The following TMPRSS15 variants were observed in gnomAD, a reference collection of about 807,000 sequenced individuals.
TMPRSS15 encodes the protein transmembrane serine protease 15.
In TMPRSS15, 128 loss-of-function variants were observed where a neutral mutation model predicts 125.3. The observed-to-expected ratio is 1.02, with a 90% CI of 0.89 to 1.18. The LOEUF is 1.18. Ranked by LOEUF, TMPRSS15 falls within the 50% of genes most tolerant of loss-of-function variation. The pLI is 0.00. For synonymous variants in TMPRSS15, 446 were observed against 423.2 expected (o/e 1.05, Z -0.66); for missense variants, 1,283 against 1,212.7 (o/e 1.06, Z -0.86).
chr21:18,479,784 T>C (rs568656236), intron 1 of TMPRSS15, among the ~76,000 whole-genome samples: 2 of 152,204 alleles, frequency 1.3e-5, no homozygotes, highest in African/African-American at 4.8e-5. Flanking sequence ...TTTTAAAATA[T>C]TGGTGGGATG....
At chr21:18,304,130 G>A (rs774259670) in intron 18 of TMPRSS15, among the ~76,000 whole-genome samples, 2 of 152,110 alleles carry the variant, frequency 1.3e-5, no homozygotes, top group Non-Finnish European at 2.9e-5. Context: ...CTATGCCAGG[G>A]TTCGTGGGGG....
intron 1 of TMPRSS15, among the ~76,000 whole-genome samples, chr21:18,413,108 T>A (rs998250023): frequency 3.9e-5 from 6 of 152,188 alleles, no homozygotes; most frequent in African/African-American, 1.4e-4. Flanking sequence ...GATGTGGTCA[T>A]GTGTAGGTTG....
intron 1 of TMPRSS15, among the ~76,000 whole-genome samples, chr21:18,458,943 GTTAT>G (rs879582668): frequency 6.6e-6 from 1 of 151,930 alleles, no homozygotes; most frequent in Non-Finnish European, 1.5e-5. Context: ...TTATTTTGTT[GTTAT>G]TTATTATTTG....
chr21:18,330,275 A>G (rs903388061), intron 14 of TMPRSS15, among the ~76,000 whole-genome samples: 1 of 152,082 alleles, frequency 6.6e-6, no homozygotes, highest in African/African-American at 2.4e-5. Flanking sequence ...ATAGTTTCTC[A>G]TCTCCTAATT....
At chr21:18,441,661 C>CATCATT (rs2076242056) in intron 1 of TMPRSS15, among the ~76,000 whole-genome samples, 1 of 134,730 alleles carries the variant, frequency 7.4e-6, no homozygotes, top group Non-Finnish European at 1.5e-5. Flanking sequence ...CTTTAGGACA[C>CATCATT]ATTATTATTA....
Position 18,332,093 on chromosome 21 carries a change from G to C in TMPRSS15, c.1645C>G (p.Leu549Val). 6.2e-7 allele frequency: 1 copy of C among 1,613,960 alleles called. No homozygotes were observed. The highest frequency in any genetic ancestry group is 8.5e-7 in the Non-Finnish European group (1 of 1,179,838). Residue 549 changes from leucine to valine, a missense_variant, in exon 14 of 25, where the codon CTG (leucine) becomes GTG (valine). Physicochemically the swap from Leu to Val is conservative, Grantham distance 32. Coordinates refer to ENST00000284885, the MANE Select transcript of TMPRSS15 (RefSeq NM_002772.3). ...STNFPNSYPN[L>V]AFCVWILNAQ... ...AAAAGAAATGACTCACAGAAAGCCAGATTAGGGTAGCTGTTTGGAAAGTTC... is the reference window on the plus strand; with the variant it reads ...AAAAGAAATGACTCACAGAAAGCCACATTAGGGTAGCTGTTTGGAAAGTTC...
chr21:18,478,504 G>A (rs938370828), intron 1 of TMPRSS15, among the ~76,000 whole-genome samples: 2 of 151,816 alleles, frequency 1.3e-5, no homozygotes, highest in Non-Finnish European at 2.9e-5. Context: ...TATATTCATC[G>A]AAACTAAGAT....
intron 17 of TMPRSS15, 145 bp downstream of exon 17, chr21:18,315,001 T>TA: frequency 2.8e-6 from 2 of 718,014 alleles, no homozygotes; most frequent in Non-Finnish European, 2.5e-6. Flanking sequence ...ACAGAGGTGC[T>TA]AAAATCATCT....
intron 3 of TMPRSS15, among the ~76,000 whole-genome samples, chr21:18,392,158 C>A (rs554473692): frequency 6.6e-6 from 1 of 152,156 alleles, no homozygotes; most frequent in Non-Finnish European, 1.5e-5. Flanking sequence ...ATTGTCTTGG[C>A]GAATAACATT....
intron 24 of TMPRSS15, among the ~76,000 whole-genome samples, chr21:18,270,741 G>T (rs1284163970): frequency 6.6e-6 from 1 of 151,990 alleles, no homozygotes; most frequent in East Asian, 1.9e-4. Flanking sequence ...TAATTTTTAT[G>T]AATATTAATC....
chr21:18,400,966 A>G (rs2076089454), intron 1 of TMPRSS15, among the ~76,000 whole-genome samples: 1 of 152,170 alleles, frequency 6.6e-6, no homozygotes, highest in East Asian at 1.9e-4. Context: ...TGGCTAACAA[A>G]TATTTTAAAA....
At chr21:18,474,244 C>T (rs1320388877) in intron 1 of TMPRSS15, among the ~76,000 whole-genome samples, 1 of 151,716 alleles carries the variant, frequency 6.6e-6, no homozygotes, top group Admixed American at 6.6e-5. Flanking sequence ...CAGAGAGATA[C>T]ATATAGGTAG....
At chr21:18,305,436 T>C (rs143390112) in intron 18 of TMPRSS15, among the ~76,000 whole-genome samples, 18,860 of 151,828 alleles carry the variant, frequency 0.12, 1,390 homozygotes, top group East Asian at 0.34. Context: ...GATCCGCCCT[T>C]CTCGGCCTCC....
chr21:18,457,143 A>G (rs1344105800), intron 1 of TMPRSS15, among the ~76,000 whole-genome samples: 1 of 152,092 alleles, frequency 6.6e-6, no homozygotes, highest in African/African-American at 2.4e-5. Context: ...AATTTGGTAG[A>G]TTGTTGAAAT....
chr21:18,425,454 G>A (rs2076200682), intron 1 of TMPRSS15, among the ~76,000 whole-genome samples: 1 of 152,038 alleles, frequency 6.6e-6, no homozygotes, highest in African/African-American at 2.4e-5. Context: ...GTGAAAAGAA[G>A]TTTCCCATTG....
chr21:18,307,494 G>A (rs2075050258), intron 18 of TMPRSS15, among the ~76,000 whole-genome samples: 2 of 152,114 alleles, frequency 1.3e-5, no homozygotes. Flanking sequence ...TCCTTGACAT[G>A]CCTTTATTGA....
intron 18 of TMPRSS15, among the ~76,000 whole-genome samples, chr21:18,310,047 T>C (rs1000531107): frequency 1.3e-5 from 2 of 152,072 alleles, no homozygotes; most frequent in African/African-American, 2.4e-5. Flanking sequence ...AAGTTAGGTA[T>C]AGAAGGAACG....
chr21:18,352,887 A>G lies in TMPRSS15; in HGVS notation c.1171+16T>C. On this transcript the variant is annotated intron_variant, in intron 10 of 24. Coordinates refer to ENST00000284885, the MANE Select transcript of TMPRSS15 (RefSeq NM_002772.3). Reference sequence around the variant, plus strand: ...GAATTAAAATCCTTTTGACTTCTGAATTAAATGAATTATACCTGAAGCATT... The same window carrying G: ...GAATTAAAATCCTTTTGACTTCTGAGTTAAATGAATTATACCTGAAGCATT... 1.9e-6 allele frequency: 3 copies of G among 1,611,210 alleles called. No individual in the cohort carries two copies. The highest frequency in any genetic ancestry group is 2.5e-6 in the Non-Finnish European group (3 of 1,177,956).
At chr21:18,295,189 A>C (rs1309650420) in intron 19 of TMPRSS15, among the ~76,000 whole-genome samples, 2 of 152,338 alleles carry the variant, frequency 1.3e-5, no homozygotes, top group African/African-American at 4.8e-5. Context: ...CTTTCAAGGA[A>C]GGCAGACACG....
Sources: gnomAD v4.1 joint callset for allele counts (sites outside exome capture counted in the v4.1 genomes callset) on GRCh38, gnomAD v4.1.1 for gene constraint, MANE v1.5 for transcripts, NCBI Gene and HGNC (gene_info 2026-07-23, HGNC 2026-07-21) for gene names.